Variants in LRP1B observed in about 807,000 individuals in gnomAD.
LRP1B encodes LDL receptor related protein 1B.
Under a neutral mutation model 556.6 loss-of-function variants are expected in LRP1B, and 217 were observed. That is an observed-to-expected ratio of 0.39 (90% CI 0.35 to 0.44). The LOEUF is 0.44. Among genes scored for constraint, LRP1B ranks in the 20% least tolerant of loss-of-function variants. The pLI, the probability that LRP1B is intolerant of heterozygous loss-of-function variation, is 1.00. For missense variants in LRP1B, 5,053 were observed against 5,620.8 expected, an observed-to-expected ratio of 0.90 and a Z score of 3.23; for synonymous variants, 2,047 against 1,865.8, an observed-to-expected ratio of 1.10 and a Z score of -2.50.
intron 8 of LRP1B, among the ~76,000 whole-genome samples, chr2:141,060,810 G>T (rs1423299081): frequency 6.6e-6 from 1 of 151,764 alleles, no homozygotes; most frequent in East Asian, 2.0e-4. Context: ...GGAGCAGTAG[G>T]TAAACCATTT....
chr2:141,980,086 G>A (rs1360815524), intron 1 of LRP1B, among the ~76,000 whole-genome samples: 1 of 152,090 alleles, frequency 6.6e-6, no homozygotes, highest in African/African-American at 2.4e-5. Flanking sequence ...TCTAGTATGA[G>A]TGAGAGAAAC....
chr2:140,356,765 A>C (rs1479696151), intron 74 of LRP1B, among the ~76,000 whole-genome samples: 1 of 151,804 alleles, frequency 6.6e-6, no homozygotes, highest in African/African-American at 2.4e-5. Flanking sequence ...GGAGTCAATG[A>C]TTCTAATGAC....
intron 66 of LRP1B, among the ~76,000 whole-genome samples, chr2:140,395,115 T>A (rs1377268648): frequency 1.3e-5 from 2 of 152,242 alleles, no homozygotes; most frequent in Non-Finnish European, 2.9e-5. Context: ...GGGAACACTT[T>A]GCAATTTTTA....
chr2:141,217,497 C>T (rs1435921342), intron 6 of LRP1B, among the ~76,000 whole-genome samples: 1 of 151,940 alleles, frequency 6.6e-6, no homozygotes, highest in Non-Finnish European at 1.5e-5. Flanking sequence ...AACTATCAGC[C>T]CTACTCAATA....
chr2:142,047,091 T>C (rs980843702), intron 1 of LRP1B, among the ~76,000 whole-genome samples: 7 of 151,998 alleles, frequency 4.6e-5, no homozygotes. Flanking sequence ...TGGAGATGGA[T>C]CCTTTTTGGT....
chr2:141,483,099 G>C (rs1682984457), intron 2 of LRP1B, among the ~76,000 whole-genome samples: 1 of 148,006 alleles, frequency 6.8e-6, no homozygotes, highest in Non-Finnish European at 1.5e-5. Context: ...ATCTCCTAAT[G>C]CTATCCCTCC....
rs1267571844 is a variant in LRP1B at position 141,170,102 on chromosome 2, TG to T, written c.1013+18318del. Among the ~76,000 whole-genome samples the T allele has an allele frequency of 7.2e-5, 11 of 152,166 alleles. No homozygotes were observed. In the South Asian group the frequency reaches 2.3e-3, roughly 32 times the overall value. On this transcript the variant is annotated intron_variant, in intron 7 of 90. Coordinates refer to ENST00000389484, the MANE Select transcript of LRP1B (RefSeq NM_018557.3). ...CCAATGATCCTGAAGTGACAGGAAA[TG>T]ATAGATATGATAACAAACTCACATA...
chr2:140,282,899 G>A (rs1344062571), intron 84 of LRP1B, among the ~76,000 whole-genome samples: 2 of 151,596 alleles, frequency 1.3e-5, no homozygotes, highest in East Asian at 3.9e-4. Context: ...ATCAACTCTG[G>A]GTCACTCTAA....
intron 49 of LRP1B, among the ~76,000 whole-genome samples, chr2:140,517,259 T>A (rs1689946694): frequency 6.6e-6 from 1 of 152,140 alleles, no homozygotes; most frequent in South Asian, 2.1e-4. Flanking sequence ...ACAGAAAGAT[T>A]ATAGTAATGT....
chr2:140,256,915 T>A (rs867710485), intron 86 of LRP1B, among the ~76,000 whole-genome samples: 1 of 143,530 alleles, frequency 7.0e-6, no homozygotes, highest in Non-Finnish European at 1.5e-5. Context: ...ATATTAAATT[T>A]AAAAAGTGTA....
chr2:142,058,759 A>G (rs1704781597), intron 1 of LRP1B, among the ~76,000 whole-genome samples: 1 of 151,990 alleles, frequency 6.6e-6, no homozygotes, highest in African/African-American at 2.4e-5. Context: ...ATATAAACAA[A>G]CTGAAGATAA....
chr2:140,965,271 C>A (rs2105320713), intron 18 of LRP1B, among the ~76,000 whole-genome samples: 1 of 152,108 alleles, frequency 6.6e-6, no homozygotes, highest in African/African-American at 2.4e-5. Context: ...TTAAGTATTT[C>A]TTGTGGTTCT....
At chr2:141,456,797 C>T (rs1681648758) in intron 3 of LRP1B, among the ~76,000 whole-genome samples, 1 of 152,122 alleles carries the variant, frequency 6.6e-6, no homozygotes, top group African/African-American at 2.4e-5. Flanking sequence ...ATATATGAAA[C>T]TGAAGAGCCA....
intron 1 of LRP1B, among the ~76,000 whole-genome samples, chr2:142,118,578 T>C: frequency 6.6e-6 from 1 of 152,128 alleles, no homozygotes; most frequent in Admixed American, 6.6e-5. Flanking sequence ...CTTATATTCA[T>C]TTTGAACCTG....
intron 3 of LRP1B, among the ~76,000 whole-genome samples, chr2:141,379,921 G>T (rs1573878358): frequency 6.6e-6 from 1 of 152,112 alleles, no homozygotes; most frequent in Non-Finnish European, 1.5e-5. Flanking sequence ...CTGCCTAAAG[G>T]TCTGCCTAAA....
At chr2:140,623,551 G>T (rs1683533451) in intron 41 of LRP1B, among the ~76,000 whole-genome samples, 1 of 151,972 alleles carries the variant, frequency 6.6e-6, no homozygotes, top group South Asian at 2.1e-4. Context: ...TCATCTGAAA[G>T]AAGTCAAAAT....
chr2:141,991,551 A>G (rs1702345333), intron 1 of LRP1B, among the ~76,000 whole-genome samples: 1 of 152,010 alleles, frequency 6.6e-6, no homozygotes, highest in Non-Finnish European at 1.5e-5. Context: ...ATAAGTAACT[A>G]TTTTACATGT....
intron 80 of LRP1B, among the ~76,000 whole-genome samples, chr2:140,325,050 G>A (rs1253805333): frequency 6.6e-6 from 1 of 151,906 alleles, no homozygotes; most frequent in Non-Finnish European, 1.5e-5. Flanking sequence ...AATTTAAAGT[G>A]GATATGATAA....
At chr2:140,787,948 C>T (rs1689966361) in intron 32 of LRP1B, among the ~76,000 whole-genome samples, 2 of 152,034 alleles carry the variant, frequency 1.3e-5, no homozygotes, top group Admixed American at 1.3e-4. Flanking sequence ...TACTCCAAAA[C>T]CAGGCACATG....
Sources: gnomAD v4.1 joint callset for allele counts (sites outside exome capture counted in the v4.1 genomes callset) on GRCh38, gnomAD v4.1.1 for gene constraint, MANE v1.5 for transcripts, NCBI Gene and HGNC (gene_info 2026-07-23, HGNC 2026-07-21) for gene names.